The following POLR3B variants were observed in gnomAD, a reference collection of about 807,000 sequenced individuals.
The protein encoded by POLR3B is DNA-directed RNA polymerase III subunit RPC2.
Under a neutral mutation model 147.4 loss-of-function variants are expected in POLR3B, and 96 were observed. The ratio of observed to expected loss-of-function variants is 0.65; its 90% CI spans 0.55 to 0.77. The LOEUF (loss-of-function observed/expected upper bound fraction) is 0.77, where lower values mean the gene tolerates loss of function less well. Ranked by LOEUF, POLR3B falls within the 30% of genes least tolerant of loss-of-function variation. POLR3B has a pLI of 0.00. For missense variants in POLR3B, 1,036 were observed against 1,413.5 expected (o/e 0.73, Z 4.28); for synonymous variants, 461 against 485.9 (o/e 0.95, Z 0.67).
intron 10 of POLR3B, among the ~76,000 whole-genome samples, chr12:106,396,799 A>G (rs1328502407): frequency 6.6e-6 from 1 of 151,224 alleles, no homozygotes; most frequent in Non-Finnish European, 1.5e-5. Context: ...TTTTTTTTTA[A>G]GTTCATTCTT....
intron 22 of POLR3B, among the ~76,000 whole-genome samples, chr12:106,462,636 T>C (rs955831093): frequency 6.6e-6 from 1 of 152,218 alleles, no homozygotes; most frequent in Non-Finnish European, 1.5e-5. Context: ...CAGTGGTGCC[T>C]GTGGGAAAGG....
At chr12:106,468,612 A>T (rs112691826) in intron 23 of POLR3B, among the ~76,000 whole-genome samples, 1 of 152,140 alleles carries the variant, frequency 6.6e-6, no homozygotes, top group African/African-American at 2.4e-5. Context: ...ACACTGCTTT[A>T]AATGTGTCCC....
intron 20 of POLR3B, among the ~76,000 whole-genome samples, chr12:106,455,512 C>T (rs2037853553): frequency 6.6e-6 from 1 of 152,138 alleles, no homozygotes; most frequent in Non-Finnish European, 1.5e-5. Context: ...TAACTGGTAA[C>T]GTTTATGTGG....
chr12:106,452,497 G>A (rs2037810180), intron 19 of POLR3B, among the ~76,000 whole-genome samples: 1 of 152,128 alleles, frequency 6.6e-6, no homozygotes, highest in African/African-American at 2.4e-5. Flanking sequence ...ATAATAATGC[G>A]TGTCTCAGGT....
intron 23 of POLR3B, among the ~76,000 whole-genome samples, chr12:106,493,365 T>C (rs973390743): frequency 1.3e-5 from 2 of 152,232 alleles, no homozygotes; most frequent in African/African-American, 4.8e-5. Context: ...CCGCTGTGAT[T>C]AAGGATTTGA....
intron 23 of POLR3B, among the ~76,000 whole-genome samples, chr12:106,483,736 A>T (rs1052054946): frequency 4.6e-5 from 7 of 152,128 alleles, no homozygotes; most frequent in African/African-American, 1.7e-4. Flanking sequence ...CTGCTCTGAT[A>T]GTTTTCTTGA....
chr12:106,414,339 T>A (rs1360078964), intron 12 of POLR3B, among the ~76,000 whole-genome samples: 1 of 152,076 alleles, frequency 6.6e-6, no homozygotes, highest in Non-Finnish European at 1.5e-5. Flanking sequence ...ATTGGTTCCT[T>A]GTGAGTTTAG....
intron 10 of POLR3B, among the ~76,000 whole-genome samples, chr12:106,404,566 C>G (rs567731351): frequency 6.6e-6 from 1 of 152,240 alleles, no homozygotes; most frequent in South Asian, 2.1e-4. Flanking sequence ...ATTTTCTTCT[C>G]TGTGAAGTGT....
intron 10 of POLR3B, among the ~76,000 whole-genome samples, chr12:106,393,491 T>TTGTGTGTGTGTGTG (rs71072674): frequency 4.0e-4 from 56 of 141,460 alleles, no homozygotes; most frequent in African/African-American, 1.4e-3. Context: ...TGTACAGGTT[T>TTGTGTGTGTGTGTG]TGTGTGTGTG....
intron 1 of POLR3B, among the ~76,000 whole-genome samples, chr12:106,361,268 G>A (rs182808044): frequency 2.6e-5 from 4 of 152,344 alleles, no homozygotes; most frequent in East Asian, 1.9e-4. Context: ...GGATAAATGC[G>A]AGGAAGGTTA....
intron 23 of POLR3B, among the ~76,000 whole-genome samples, chr12:106,470,393 G>A (rs1464516273): frequency 1.3e-5 from 2 of 152,034 alleles, no homozygotes; most frequent in Non-Finnish European, 2.9e-5. Context: ...CAATGGGTTA[G>A]AACACACTCC....
intron 26 of POLR3B, among the ~76,000 whole-genome samples, chr12:106,502,941 CT>C (rs986048963): frequency 6.6e-6 from 1 of 152,114 alleles, no homozygotes; most frequent in South Asian, 2.1e-4. Flanking sequence ...ACTTTGGTAA[CT>C]TTTGTCTCTT....
At chr12:106,360,924 TG>T (rs1348301636) in intron 1 of POLR3B, among the ~76,000 whole-genome samples, 4 of 152,156 alleles carry the variant, frequency 2.6e-5, no homozygotes, top group Non-Finnish European at 5.9e-5. Flanking sequence ...GTATTACAAA[TG>T]GTAGCTAGGA....
At chr12:106,447,883 T>G (rs1034413624) in intron 19 of POLR3B, among the ~76,000 whole-genome samples, 2 of 152,210 alleles carry the variant, frequency 1.3e-5, no homozygotes, top group Non-Finnish European at 2.9e-5. Flanking sequence ...GTGTTTGTTT[T>G]TAATAGATTT....
intron 19 of POLR3B, among the ~76,000 whole-genome samples, chr12:106,451,185 G>A (rs1187096797): frequency 6.6e-6 from 1 of 152,082 alleles, no homozygotes; most frequent in African/African-American, 2.4e-5. Flanking sequence ...TTGGGGGTTA[G>A]GAATGTTCTG....
At position 106,507,660 on chromosome 12, in the gene POLR3B, T is replaced by TA. The variant is rs1333872708; in HGVS notation, c.3273-1759dup. On this transcript the variant is annotated intron_variant, in intron 27 of 27. Transcript: ENST00000228347. ...GTATTTGTACTGTTAACGGATCAAA[T>TA]ACAGGTTAAGCACCCTGCGTCCCCT... The TA allele has an allele frequency of 1.7e-5, 7 of 400,026 alleles. No individual in the cohort carries two copies. The Admixed American group carries it at 2.3e-4, about 13-fold the overall frequency. The allele number at this position is 400,026 out of a possible 1,614,324, so 24.8% of individuals were successfully genotyped here.
intron 9 of POLR3B, among the ~76,000 whole-genome samples, chr12:106,388,603 A>C (rs2036874731): frequency 6.6e-6 from 1 of 152,218 alleles, no homozygotes; most frequent in South Asian, 2.1e-4. Flanking sequence ...GGCGTGAGCC[A>C]ATGTGCCTGG....
intron 10 of POLR3B, among the ~76,000 whole-genome samples, chr12:106,397,961 A>G (rs949768245): frequency 1.3e-5 from 2 of 152,242 alleles, no homozygotes; most frequent in Non-Finnish European, 2.9e-5. Context: ...CAACTGAGAT[A>G]CCGGGTTCAT....
chr12:106,363,258 C>G (rs1199289406), intron 1 of POLR3B, among the ~76,000 whole-genome samples: 1 of 152,220 alleles, frequency 6.6e-6, no homozygotes, highest in Non-Finnish European at 1.5e-5. Context: ...TTGTTGCCTC[C>G]TTGACATTTC....
Sources: gnomAD v4.1 joint callset for allele counts (sites outside exome capture counted in the v4.1 genomes callset) on GRCh38, gnomAD v4.1.1 for gene constraint, MANE v1.5 for transcripts, NCBI Gene and HGNC (gene_info 2026-07-23, HGNC 2026-07-21) for gene names.